SAMD4A: variants seen among roughly 807,000 people sequenced by gnomAD.
SAMD4A encodes the protein sterile alpha motif domain containing 4A.
A neutral mutation model predicts 81.3 loss-of-function variants in SAMD4A; 33 were observed. The ratio of observed to expected loss-of-function variants is 0.41; its 90% CI spans 0.31 to 0.54. The LOEUF is 0.54. SAMD4A is among the 20% of genes least tolerant of loss of function. SAMD4A has a pLI of 0.37. For synonymous variants in SAMD4A, 389 were observed against 382.1 expected, an observed-to-expected ratio of 1.02 and a Z score of -0.21; for missense variants, 854 against 951.1, an observed-to-expected ratio of 0.90 and a Z score of 1.34.
At chr14:54,580,956 A>G (rs2033447361) in intron 2 of SAMD4A, among the ~76,000 whole-genome samples, 1 of 152,232 alleles carries the variant, frequency 6.6e-6, no homozygotes, top group Non-Finnish European at 1.5e-5. Context: ...TTGATTAACA[A>G]AACAGGTCAA....
chr14:54,749,968 A>G (rs1191843547), intron 5 of SAMD4A, among the ~76,000 whole-genome samples: 1 of 152,218 alleles, frequency 6.6e-6, no homozygotes, highest in East Asian at 1.9e-4. Context: ...TGGAGACACA[A>G]CACAAAGCCC....
chr14:54,688,354 C>G, intron 2 of SAMD4A: 5 of 985,560 alleles, frequency 5.1e-6, no homozygotes, highest in Non-Finnish European at 6.0e-6. Flanking sequence ...AGACTCATCT[C>G]AACTCTCCTC....
chr14:54,606,693 A>G (rs1448214928), intron 2 of SAMD4A, among the ~76,000 whole-genome samples: 1 of 152,232 alleles, frequency 6.6e-6, no homozygotes, highest in Non-Finnish European at 1.5e-5. Flanking sequence ...TAGTTTTCAA[A>G]GTCCAATGAG....
chr14:54,566,843 G>A (rs957912170), upstream of SAMD4A, among the ~76,000 whole-genome samples: 3 of 152,104 alleles, frequency 2.0e-5, no homozygotes, highest in African/African-American at 7.2e-5. Flanking sequence ...GCGGCGCGGC[G>A]CGGGGGAGCC....
intron 5 of SAMD4A, among the ~76,000 whole-genome samples, chr14:54,750,275 A>C (rs2038070963): frequency 6.6e-6 from 1 of 152,204 alleles, no homozygotes; most frequent in Non-Finnish European, 1.5e-5. Flanking sequence ...ATATACCCCC[A>C]GTGTTTCATC....
At chr14:54,663,379 G>A (rs1290104977) in intron 2 of SAMD4A, among the ~76,000 whole-genome samples, 1 of 152,056 alleles carries the variant, frequency 6.6e-6, no homozygotes, top group Non-Finnish European at 1.5e-5. Flanking sequence ...ACTGAACCAA[G>A]GCAACTAAGC....
intron 2 of SAMD4A, among the ~76,000 whole-genome samples, chr14:54,674,895 C>T (rs530630532): frequency 6.6e-5 from 10 of 152,248 alleles, no homozygotes; most frequent in South Asian, 2.1e-4. Flanking sequence ...ATATTAGGCC[C>T]GTGCCATGAT....
chr14:54,596,293 C>G (rs527659131), intron 2 of SAMD4A, among the ~76,000 whole-genome samples: 54 of 152,108 alleles, frequency 3.6e-4, no homozygotes, highest in African/African-American at 1.3e-3. Context: ...CCTAAAGAAA[C>G]AAGGAAAGGG....
Position 54,760,451 on chromosome 14 carries a change from A to T in SAMD4A, c.1467A>T (p.Pro489=). ...GGGAGCTGGCCGTCGCCCCCCTGCC[A>T]GAGGGGGACCTCCCCGGGCAGTTCA... ...CDGELAVAPL[P]EGDLPGQFTR... Residue 489 remains proline (P), a synonymous_variant, in exon 7 of 13, where the codon CCA becomes CCT. Coordinates refer to ENST00000554335, the MANE Select transcript of SAMD4A (RefSeq NM_015589.6). The T allele has an allele frequency of 7.0e-7, 1 of 1,427,364 alleles. No homozygotes were observed. The highest frequency in any genetic ancestry group is 1.5e-5 in the African/African-American group (1 of 66,564). The allele number at this position is 1,427,364 out of a possible 1,614,324, so 88.4% of individuals were successfully genotyped here.
chr14:54,699,921 A>T (rs181104496), intron 2 of SAMD4A, among the ~76,000 whole-genome samples: 2 of 152,284 alleles, frequency 1.3e-5, no homozygotes, highest in African/African-American at 4.8e-5. Flanking sequence ...GGAGACTTCT[A>T]CAAGTAGTTG....
chr14:54,675,359 T>A (rs1594796382), intron 2 of SAMD4A, among the ~76,000 whole-genome samples: 1 of 29,608 alleles, frequency 3.4e-5, no homozygotes, highest in Non-Finnish European at 7.7e-5. Flanking sequence ...AGAGTGAAAC[T>A]CCGTCTCCAA....
intron 2 of SAMD4A, among the ~76,000 whole-genome samples, chr14:54,668,349 T>A (rs1174176188): frequency 6.6e-6 from 1 of 152,180 alleles, no homozygotes; most frequent in Non-Finnish European, 1.5e-5. Flanking sequence ...TTCTCTCCCC[T>A]TGGAGTTTAG....
chr14:54,773,903 A>G (rs1696929149), intron 9 of SAMD4A, among the ~76,000 whole-genome samples: 1 of 152,254 alleles, frequency 6.6e-6, no homozygotes. Context: ...GAGGACAGAC[A>G]TGGAGCTTAC....
intron 2 of SAMD4A, chr14:54,685,587 A>T (rs898864627): frequency 2.3e-6 from 1 of 425,950 alleles, no homozygotes; most frequent in Admixed American, 2.6e-5. Context: ...TTGTTCGTAG[A>T]TTTTTTTTCT....
intron 2 of SAMD4A, among the ~76,000 whole-genome samples, chr14:54,596,658 C>G (rs1259687462): frequency 6.6e-6 from 1 of 152,210 alleles, no homozygotes; most frequent in Non-Finnish European, 1.5e-5. Context: ...GGCAGAAGAT[C>G]ACAGCCACTG....
chr14:54,602,573 G>A (rs2034084401), intron 2 of SAMD4A, among the ~76,000 whole-genome samples: 1 of 152,010 alleles, frequency 6.6e-6, no homozygotes, highest in South Asian at 2.1e-4. Context: ...TCTCAGCCCT[G>A]TTGGGGCTAG....
At chr14:54,634,907 T>C (rs2034996739) in intron 2 of SAMD4A, among the ~76,000 whole-genome samples, 1 of 152,226 alleles carries the variant, frequency 6.6e-6, no homozygotes, top group African/African-American at 2.4e-5. Context: ...TTAAAATGTG[T>C]CTTTGGGTCT....
At chr14:54,752,918 C>T (rs1256617007) in intron 6 of SAMD4A, among the ~76,000 whole-genome samples, 3 of 152,240 alleles carry the variant, frequency 2.0e-5, no homozygotes, top group Non-Finnish European at 4.4e-5. Context: ...TGGACGTACA[C>T]GTAAGCCAGA....
At chr14:54,631,260 G>A (rs2034898762) in intron 2 of SAMD4A, among the ~76,000 whole-genome samples, 1 of 152,066 alleles carries the variant, frequency 6.6e-6, no homozygotes, top group African/African-American at 2.4e-5. Flanking sequence ...GCTTTACTCA[G>A]GCCACTGATA....
Sources: allele counts gnomAD v4.1 joint callset (sites outside exome capture counted in the v4.1 genomes callset), GRCh38; gene constraint gnomAD v4.1.1; transcripts MANE v1.5; gene names NCBI Gene and HGNC (gene_info 2026-07-23, HGNC 2026-07-21).